TAFA1: variants seen among roughly 807,000 people sequenced by gnomAD.
TAFA1 encodes the protein chemokine-like protein TAFA-1.
A neutral mutation model predicts 18.5 loss-of-function variants in TAFA1; 4 were observed. The ratio of observed to expected loss-of-function variants is 0.22; its 90% CI spans 0.11 to 0.49. TAFA1 has a LOEUF of 0.49. Ranked by LOEUF, TAFA1 falls within the 20% of genes least tolerant of loss-of-function variation. The pLI is 0.98. For missense variants in TAFA1, 147 were observed against 169.0 expected (o/e 0.87, Z 0.72); for synonymous variants, 56 against 55.2 (o/e 1.01, Z -0.06).
At chr3:68,479,876 G>A (rs189870233) in intron 3 of TAFA1, among the ~76,000 whole-genome samples, 1,809 of 150,936 alleles carry the variant, frequency 0.012, 35 homozygotes, top group African/African-American at 0.041. Flanking sequence ...TCATACACAC[G>A]CATACACACA....
chr3:68,095,010 A>G (rs1251805476), intron 2 of TAFA1, among the ~76,000 whole-genome samples: 2 of 152,190 alleles, frequency 1.3e-5, no homozygotes, highest in African/African-American at 4.8e-5. Context: ...CAGACTGTAC[A>G]AGGTCACCCA....
the TAFA1 span, among the ~76,000 whole-genome samples, chr3:67,996,227 G>C: frequency 6.6e-6 from 1 of 152,208 alleles, no homozygotes; most frequent in Non-Finnish European, 1.5e-5. Flanking sequence ...AGAGTGACTG[G>C]AGCATGGTGC....
chr3:68,020,951 T>G (rs986243883), intron 2 of TAFA1, among the ~76,000 whole-genome samples: 5 of 151,980 alleles, frequency 3.3e-5, no homozygotes, highest in African/African-American at 1.2e-4. Context: ...TTTGGGAGGC[T>G]GATGAGGGTG....
intron 3 of TAFA1, among the ~76,000 whole-genome samples, chr3:68,437,793 C>A (rs1334770870): frequency 6.6e-6 from 1 of 152,084 alleles, no homozygotes; most frequent in African/African-American, 2.4e-5. Flanking sequence ...CAAACCATAG[C>A]ATTCTACCCC....
intron 2 of TAFA1, among the ~76,000 whole-genome samples, chr3:68,185,436 T>C (rs1275746648): frequency 6.6e-6 from 1 of 152,092 alleles, no homozygotes; most frequent in Non-Finnish European, 1.5e-5. Flanking sequence ...CAGTCTTTGG[T>C]ATTTTCATAA....
At chr3:68,072,476 AT>A (rs2064768501) in intron 2 of TAFA1, among the ~76,000 whole-genome samples, 1 of 152,170 alleles carries the variant, frequency 6.6e-6, no homozygotes, top group African/African-American at 2.4e-5. Context: ...TTTGGGAAAA[AT>A]AAGACCAGAG....
At chr3:68,007,306 C>A (rs904707270) in intron 2 of TAFA1, among the ~76,000 whole-genome samples, 1 of 152,116 alleles carries the variant, frequency 6.6e-6, no homozygotes, top group African/African-American at 2.4e-5. Context: ...GGGACGAAGT[C>A]CCTCCCACCT....
At chr3:68,521,328 G>C (rs144585066) in intron 3 of TAFA1, among the ~76,000 whole-genome samples, 8 of 152,280 alleles carry the variant, frequency 5.3e-5, no homozygotes, top group African/African-American at 1.9e-4. Context: ...TTATTTTGAA[G>C]TTCCGCTGCT....
At chr3:68,312,306 G>A (rs2068534418) in intron 2 of TAFA1, among the ~76,000 whole-genome samples, 1 of 152,182 alleles carries the variant, frequency 6.6e-6, no homozygotes, top group Non-Finnish European at 1.5e-5. Context: ...TCTCCAGCAG[G>A]CTTGGATTTC....
intron 2 of TAFA1, among the ~76,000 whole-genome samples, chr3:68,008,742 A>G (rs189737687): frequency 3.9e-5 from 6 of 152,218 alleles, no homozygotes; most frequent in Admixed American, 6.5e-5. Flanking sequence ...ACTTGGTCCA[A>G]TCTCAACTGC....
intron 2 of TAFA1, among the ~76,000 whole-genome samples, chr3:68,034,569 G>T (rs1235020972): frequency 6.6e-6 from 1 of 152,198 alleles, no homozygotes; most frequent in Non-Finnish European, 1.5e-5. Flanking sequence ...GCTTTCAGCA[G>T]GAAGCATAAA....
intron 3 of TAFA1, among the ~76,000 whole-genome samples, chr3:68,479,241 A>AAAAAAATATATAT (rs1353493315): frequency 4.9e-4 from 61 of 123,660 alleles, no homozygotes; most frequent in Middle Eastern, 4.0e-3. Context: ...AAAAAAAAAA[A>AAAAAAATATATAT]ATATATATAT....
intron 3 of TAFA1, among the ~76,000 whole-genome samples, chr3:68,473,789 T>C (rs2072043222): frequency 6.6e-6 from 1 of 152,148 alleles, no homozygotes; most frequent in Non-Finnish European, 1.5e-5. Flanking sequence ...GCCTTTCCTA[T>C]TTAAGGTAGC....
In TAFA1 at chr3:68,540,259, G is replaced by A. The variant is rs148350726; in HGVS notation, c.384+1379G>A. Among the ~76,000 whole-genome samples the A allele has an allele frequency of 1.8e-4, 27 of 151,824 alleles. No individual in the cohort carries two copies. In the East Asian group the frequency reaches 2.5e-3, roughly 14 times the overall value. On this transcript the variant is annotated intron_variant, in intron 4 of 4. Transcript: ENST00000478136. Reference sequence around the variant, plus strand: ...AAATGGCTATACATTTCCGGCTTGCGACCAGGAGGAACCTCTGAACCACCC... The same window carrying A: ...AAATGGCTATACATTTCCGGCTTGCAACCAGGAGGAACCTCTGAACCACCC...
intron 2 of TAFA1, among the ~76,000 whole-genome samples, chr3:68,296,311 T>C (rs2107288329): frequency 6.6e-6 from 1 of 152,316 alleles, no homozygotes; most frequent in Non-Finnish European, 1.5e-5. Context: ...TGAATTTCAG[T>C]TTTAGCCTCT....
At chr3:68,215,230 A>G (rs1444047916) in intron 2 of TAFA1, among the ~76,000 whole-genome samples, 4 of 152,070 alleles carry the variant, frequency 2.6e-5, no homozygotes, top group Non-Finnish European at 4.4e-5. Flanking sequence ...GCATTATTCT[A>G]TTTAATCTTC....
At chr3:68,012,593 A>G (rs887163507) in intron 2 of TAFA1, among the ~76,000 whole-genome samples, 1 of 152,216 alleles carries the variant, frequency 6.6e-6, no homozygotes, top group Non-Finnish European at 1.5e-5. Context: ...TGGTAGTTAA[A>G]TCTGGTGAGA....
At chr3:68,538,930 T>A in intron 4 of TAFA1, 50 bp downstream of exon 4, 1 of 1,599,158 alleles carries the variant, frequency 6.3e-7, no homozygotes, top group South Asian at 1.1e-5. Flanking sequence ...ACTGTACTAT[T>A]TGAGTTTGTG....
chr3:68,458,934 C>G (rs559180689), intron 3 of TAFA1, among the ~76,000 whole-genome samples: 1 of 152,002 alleles, frequency 6.6e-6, no homozygotes, highest in Non-Finnish European at 1.5e-5. Flanking sequence ...TATTGAGTAA[C>G]GACTTCAGGA....
Sources: gnomAD v4.1 joint callset for allele counts (sites outside exome capture counted in the v4.1 genomes callset) on GRCh38, gnomAD v4.1.1 for gene constraint, MANE v1.5 for transcripts, NCBI Gene and HGNC (gene_info 2026-07-23, HGNC 2026-07-21) for gene names.